Variants in OR9Q1 observed in about 807,000 individuals in gnomAD.
The protein encoded by OR9Q1 is olfactory receptor family 9 subfamily Q member 1.
For synonymous variants in OR9Q1, 153 were observed against 148.6 expected (o/e 1.03, Z -0.22); for missense variants, 374 against 378.8 (o/e 0.99, Z 0.11).
chr11:58,056,668 A>G (rs1320239828), intron 2 of OR9Q1, among the ~76,000 whole-genome samples: 1 of 152,210 alleles, frequency 6.6e-6, no homozygotes, highest in Non-Finnish European at 1.5e-5. Flanking sequence ...GCATGGTTTG[A>G]AAATCTGAAA....
Position 58,172,363 on chromosome 11 carries a change from C to T in OR9Q1, c.-14-7068C>T, listed in dbSNP as rs77961857. The stretch of plus-strand genomic sequence containing the variant: ...AAAGTAACGGTTGTTATAAACTCTA[C>T]GATGTCATTGAATGTGTGTAGATTC... On this transcript the variant is annotated intron_variant, in intron 2 of 2. Transcript: ENST00000335397. 3.7e-3 allele frequency among the ~76,000 whole-genome samples: 560 copies of T among 152,226 alleles called. 1 individual carries two copies. Among genetic ancestry groups the T allele is most frequent in the Non-Finnish European group, 6.2e-3 (425 of 68,010 alleles).
chr11:58,046,472 A>G (rs780942819), intron 1 of OR9Q1, among the ~76,000 whole-genome samples: 1 of 152,210 alleles, frequency 6.6e-6, no homozygotes, highest in Non-Finnish European at 1.5e-5. Flanking sequence ...GAAAAATGCT[A>G]TTGTTGCTCA....
chr11:58,031,205 G>A, intron 1 of OR9Q1: 1 of 1,614,132 alleles, frequency 6.2e-7, no homozygotes, highest in Middle Eastern at 1.6e-4. Flanking sequence ...CAAGATGCTG[G>A]CTGGTTTTAT....
intron 2 of OR9Q1, among the ~76,000 whole-genome samples, chr11:58,057,256 G>C (rs1853337461): frequency 6.6e-6 from 1 of 152,168 alleles, no homozygotes; most frequent in Admixed American, 6.5e-5. Context: ...CAAAGTGCTG[G>C]GATTACAGGT....
chr11:58,160,714 G>A (rs750676348), intron 2 of OR9Q1, among the ~76,000 whole-genome samples: 3 of 152,112 alleles, frequency 2.0e-5, no homozygotes, highest in African/African-American at 7.2e-5. Flanking sequence ...GTGAAAACAC[G>A]AGTTCTTCTT....
chr11:58,036,527 T>A (rs961901769), intron 1 of OR9Q1, among the ~76,000 whole-genome samples: 1 of 152,184 alleles, frequency 6.6e-6, no homozygotes, highest in East Asian at 1.9e-4. Context: ...CTCTGATGGA[T>A]CTGGACAAAG....
chr11:58,056,301 G>C (rs1299376899), intron 2 of OR9Q1, among the ~76,000 whole-genome samples: 1 of 151,998 alleles, frequency 6.6e-6, no homozygotes, highest in Non-Finnish European at 1.5e-5. Flanking sequence ...CTAGACCTCT[G>C]GTATCTTTAA....
At chr11:58,066,981 G>A (rs1379202043) in intron 2 of OR9Q1, among the ~76,000 whole-genome samples, 1 of 152,132 alleles carries the variant, frequency 6.6e-6, no homozygotes, top group African/African-American at 2.4e-5. Flanking sequence ...TGGGGCACAG[G>A]CTAAGGGAGG....
chr11:58,120,632 G>A (rs1854020107), intron 2 of OR9Q1, among the ~76,000 whole-genome samples: 1 of 139,972 alleles, frequency 7.1e-6, no homozygotes, highest in Non-Finnish European at 1.6e-5. Context: ...GTGTAGATCA[G>A]TACCCAGCAC....
At chr11:58,165,551 A>G (rs376078809) in intron 2 of OR9Q1, among the ~76,000 whole-genome samples, 8 of 152,296 alleles carry the variant, frequency 5.3e-5, no homozygotes, top group Admixed American at 2.6e-4. Context: ...GAAGCGCACA[A>G]ACCACTTATT....
chr11:58,129,027 G>A (rs1394900635), intron 2 of OR9Q1, among the ~76,000 whole-genome samples: 1 of 152,038 alleles, frequency 6.6e-6, no homozygotes, highest in Non-Finnish European at 1.5e-5. Flanking sequence ...TGGTTATGCT[G>A]CACTGTTAAA....
chr11:58,086,600 C>A (rs1490405407), intron 2 of OR9Q1, among the ~76,000 whole-genome samples: 1 of 151,726 alleles, frequency 6.6e-6, no homozygotes, highest in African/African-American at 2.4e-5. Context: ...GATATGGAAA[C>A]AACCTAAGTG....
chr11:58,091,962 C>A (rs537561426), intron 2 of OR9Q1, among the ~76,000 whole-genome samples: 3 of 150,226 alleles, frequency 2.0e-5, no homozygotes, highest in East Asian at 2.0e-4. Flanking sequence ...AGGATTGCAA[C>A]CCTTGCCTTT....
rs528147286 is a variant in OR9Q1 at position 58,068,314 on chromosome 11, C to T, written c.-15+12367C>T. Among the ~76,000 whole-genome samples, 171 of 151,316 alleles carry T rather than the reference C, an allele frequency of 1.1e-3. 1 individual carries two copies. The highest frequency in any genetic ancestry group is 3.8e-3 in the South Asian group (18 of 4,776). ...AGTGAGCTGAGGTTGTCATTGCACT[C>T]CAGTCTGGGTGACAGAGTGAGACTC... On this transcript the variant is annotated intron_variant, in intron 2 of 2. Coordinates refer to ENST00000335397, the MANE Select transcript of OR9Q1 (RefSeq NM_001005212.4).
intron 2 of OR9Q1, among the ~76,000 whole-genome samples, chr11:58,091,551 G>A (rs1483522018): frequency 2.6e-5 from 4 of 152,074 alleles, no homozygotes; most frequent in African/African-American, 9.7e-5. Flanking sequence ...ACTGAGGAGT[G>A]TTTTACTTCT....
chr11:58,086,600 C>T (rs1490405407), intron 2 of OR9Q1, among the ~76,000 whole-genome samples: 1 of 151,726 alleles, frequency 6.6e-6, no homozygotes, highest in Non-Finnish European at 1.5e-5. Context: ...GATATGGAAA[C>T]AACCTAAGTG....
chr11:58,111,887 G>T (rs1028837333), intron 2 of OR9Q1, among the ~76,000 whole-genome samples: 22 of 150,806 alleles, frequency 1.5e-4, no homozygotes, highest in Admixed American at 2.6e-4. Context: ...TCCTTTTTGG[G>T]GGGGGTGGGC....
chr11:58,109,681 C>T (rs981553676), intron 2 of OR9Q1: 1 of 422,564 alleles, frequency 2.4e-6, no homozygotes, highest in Non-Finnish European at 4.7e-6. Context: ...ATAGCTGGTT[C>T]ACCTGAAGAA....
At chr11:58,104,443 C>A (rs1208006385) in intron 2 of OR9Q1, among the ~76,000 whole-genome samples, 1 of 151,414 alleles carries the variant, frequency 6.6e-6, no homozygotes, top group Non-Finnish European at 1.5e-5. Context: ...CCAGTACCAT[C>A]TGAGGTATCC....
Sources: allele counts gnomAD v4.1 joint callset (sites outside exome capture counted in the v4.1 genomes callset), GRCh38; gene constraint gnomAD v4.1.1; transcripts MANE v1.5; gene names NCBI Gene and HGNC (gene_info 2026-07-23, HGNC 2026-07-21).